The following TMEM33 variants were observed in gnomAD, a reference collection of about 807,000 sequenced individuals.
TMEM33 encodes transmembrane protein 33.
TMEM33 carries 16 observed loss-of-function variants against 29.7 expected under a neutral mutation model. That is an observed-to-expected ratio of 0.54 (90% CI 0.36 to 0.82). The LOEUF is 0.82. TMEM33 is among the 40% of genes least tolerant of loss of function. TMEM33 has a pLI of 0.00. For missense variants in TMEM33, 252 were observed against 295.3 expected (o/e 0.85, Z 1.08); for synonymous variants, 112 against 109.4 (o/e 1.02, Z -0.15).
chr4:41,944,471 C>T (rs2153127063), intron 4 of TMEM33, among the ~76,000 whole-genome samples: 1 of 152,202 alleles, frequency 6.6e-6, no homozygotes, highest in African/African-American at 2.4e-5. Context: ...GATATTTTAA[C>T]TGTATTACTG....
Position 41,943,833 on chromosome 4 carries a change from T to C in TMEM33, c.396+19T>C. 6.2e-7 allele frequency: 1 copy of C among 1,609,040 alleles called. No homozygotes were observed. Among genetic ancestry groups the C allele is most frequent in the Non-Finnish European group, 8.5e-7 (1 of 1,176,014 alleles). ...CCTTGACGTAAGTAAAACTGCTCTTTGTCTGACTTCTGAATTACAGATCAT... is the reference window on the plus strand; with the variant it reads ...CCTTGACGTAAGTAAAACTGCTCTTCGTCTGACTTCTGAATTACAGATCAT... On this transcript the variant is annotated intron_variant, in intron 4 of 6. Coordinates refer to ENST00000504986, the MANE Select transcript of TMEM33 (RefSeq NM_018126.3).
chr4:41,943,571 T>G (rs1293639826), intron 3 of TMEM33, among the ~76,000 whole-genome samples, 176 bp from the exon 4 acceptor site: 1 of 152,164 alleles, frequency 6.6e-6, no homozygotes, highest in Admixed American at 6.5e-5. Flanking sequence ...AATAGTTTAC[T>G]TTCTTCTTTA....
At position 41,944,849 on chromosome 4, in the gene TMEM33, T is replaced by C. The variant is rs1446856754; in HGVS notation, c.453T>C (p.Ala151=). 2 of 1,613,600 alleles carry C rather than the reference T, an allele frequency of 1.2e-6. No individual in the cohort carries two copies. Among genetic ancestry groups the C allele is most frequent in the Non-Finnish European group, 1.7e-6 (2 of 1,179,812 alleles). ...LLRSVLDKLS[A]NQQNILKFIA... ...GATCTGTCTTGGACAAATTAAGTGC[T>C]AATCAACAAAATATTCTGAAATTCA... is the stretch of plus-strand genomic sequence containing the variant. Residue 151 remains alanine (A), a synonymous_variant, in exon 5 of 7, where the codon GCT becomes GCC. Coordinates refer to ENST00000504986, the MANE Select transcript of TMEM33 (RefSeq NM_018126.3).
rs1178694533 is a variant in TMEM33 at position 41,955,465 on chromosome 4, G to C, written c.*1266G>C. The C allele has an allele frequency of 6.6e-6, 1 of 152,590 alleles. No individual in the cohort carries two copies. The highest frequency in any genetic ancestry group is 2.1e-4 in the South Asian group (1 of 4,836). The allele number at this position is 152,590 out of a possible 1,614,324, so 9.5% of individuals were successfully genotyped here. On this transcript the variant is annotated 3_prime_UTR_variant, in exon 7 of 7. Transcript: ENST00000504986. ...TAAAACATTGTACAGTTTTAGTATA[G>C]AGAAATGTAATGGTTTTTGTGACCA... is the stretch of plus-strand genomic sequence containing the variant.
chr4:41,939,230 T>C lies in TMEM33; in HGVS notation c.175T>C (p.Leu59=). ...HEAASFYQRA[L]LANALTSALR... ...AGCAGCAAGCTTTTACCAACGTGCT[T>C]TGCTGGCAAATGCTCTTACCAGTGC... Residue 59 remains leucine, a synonymous_variant, in exon 3 of 7, where the codon TTG becomes CTG. Coordinates refer to ENST00000504986, the MANE Select transcript of TMEM33 (RefSeq NM_018126.3). The C allele has an allele frequency of 6.2e-7, 1 of 1,604,728 alleles. No homozygotes were observed. The highest frequency in any genetic ancestry group is 8.5e-7 in the Non-Finnish European group (1 of 1,177,482).
At chr4:41,946,745 T>C (rs1284541652) in intron 5 of TMEM33, among the ~76,000 whole-genome samples, 1 of 152,136 alleles carries the variant, frequency 6.6e-6, no homozygotes, top group African/African-American at 2.4e-5. Context: ...TTTTCCATCA[T>C]TTATAGGTTT....
intron 5 of TMEM33, among the ~76,000 whole-genome samples, chr4:41,947,746 T>C (rs911660695): frequency 3.3e-5 from 5 of 152,234 alleles, no homozygotes; most frequent in African/African-American, 1.2e-4. Context: ...CTTAATATGC[T>C]ACCCTTTCTG....
chr4:41,935,519 C>A lies in TMEM33; in HGVS notation c.35C>A (p.Ala12Glu). The change falls in exon 1 of 7, where the codon GCG becomes GAG. Residue 12 changes from alanine to glutamate, a missense_variant. Ala to Glu is a moderately radical substitution (Grantham distance 107). Coordinates refer to ENST00000504986, the MANE Select transcript of TMEM33 (RefSeq NM_018126.3). The part of the protein sequence containing the change: ...ADTTPNGPQG[A>E]GAVQFMMTNK... Reference sequence around the variant, plus strand: ...ACGACCCCGAACGGCCCCCAAGGGGCGGGCGCTGTGGTAAGTGCGAGGGCA... The same window carrying A: ...ACGACCCCGAACGGCCCCCAAGGGGAGGGCGCTGTGGTAAGTGCGAGGGCA... The A allele has an allele frequency of 6.2e-7, 1 of 1,608,508 alleles. No homozygotes were observed. The highest frequency in any genetic ancestry group is 1.1e-5 in the South Asian group (1 of 89,904).
Position 41,957,005 on chromosome 4 carries a change from C to T in TMEM33, c.*2806C>T, listed in dbSNP as rs991205051. Reference sequence around the variant, plus strand: ...TGTAGTAACAGAAATTAACTCTTTACTGCATCATTGAACTTATTGTTAGTT... The same window carrying T: ...TGTAGTAACAGAAATTAACTCTTTATTGCATCATTGAACTTATTGTTAGTT... On this transcript the variant is annotated 3_prime_UTR_variant, in exon 7 of 7. Coordinates refer to ENST00000504986, the MANE Select transcript of TMEM33 (RefSeq NM_018126.3). 6.6e-6 allele frequency: 1 copy of T among 152,146 alleles called. No homozygotes were observed. The highest frequency in any genetic ancestry group is 2.4e-5 in the African/African-American group (1 of 41,442). The allele number at this position is 152,146 out of a possible 1,614,324, so 9.4% of individuals were successfully genotyped here.
chr4:41,945,512 A>AT (rs1712744591), intron 5 of TMEM33, among the ~76,000 whole-genome samples: 1 of 152,218 alleles, frequency 6.6e-6, no homozygotes, highest in African/African-American at 2.4e-5. Context: ...GCATTTGACT[A>AT]TATGAATTCT....
chr4:41,942,624 T>C (rs575235584), intron 3 of TMEM33, among the ~76,000 whole-genome samples: 1 of 152,268 alleles, frequency 6.6e-6, no homozygotes, highest in African/African-American at 2.4e-5. Flanking sequence ...ACTAACAGTC[T>C]ATATCATTTT....
chr4:41,943,651 C>T (rs1712649042), intron 3 of TMEM33, 96 bp from the exon 4 acceptor site: 3 of 1,085,082 alleles, frequency 2.8e-6, no homozygotes, highest in African/African-American at 3.2e-5. Context: ...CTCATTTTAG[C>T]AGATGTTTCA....
chr4:41,944,965 T>C, intron 5 of TMEM33, 39 bp downstream of exon 5: 10 of 1,602,048 alleles, frequency 6.2e-6, no homozygotes, highest in South Asian at 2.2e-5. Flanking sequence ...GGCTGATGAC[T>C]GAACGTAATA....
chr4:41,941,293 C>T (rs1712529351), intron 3 of TMEM33, among the ~76,000 whole-genome samples: 1 of 152,158 alleles, frequency 6.6e-6, no homozygotes, highest in Non-Finnish European at 1.5e-5. Context: ...TTGGCTTGAC[C>T]AGCCTCTGTT....
chr4:41,946,945 G>A (rs1712821973), intron 5 of TMEM33, among the ~76,000 whole-genome samples: 1 of 152,004 alleles, frequency 6.6e-6, no homozygotes, highest in South Asian at 2.1e-4. Context: ...AGTTAAAATG[G>A]TAGATACCAG....
intron 5 of TMEM33, among the ~76,000 whole-genome samples, chr4:41,947,058 A>G (rs1712827606): frequency 6.6e-6 from 1 of 152,118 alleles, no homozygotes; most frequent in African/African-American, 2.4e-5. Flanking sequence ...CAATGTGGTG[A>G]AACCCCGTCT....
Position 41,957,571 on chromosome 4 carries a change from TAAGAC to T in TMEM33, c.*3376_*3380del, listed in dbSNP as rs1037635011. 4 of 151,872 alleles carry T rather than the reference TAAGAC, an allele frequency of 2.6e-5. No individual in the cohort carries two copies. The highest frequency in any genetic ancestry group is 4.8e-5 in the African/African-American group (2 of 41,364). 9.4% of individuals were successfully genotyped at this position (151,872 alleles called of 1,614,324 possible). A position where few individuals can be genotyped will look rare whatever the true frequency, so the allele number is the denominator to read the frequency against. On this transcript the variant is annotated 3_prime_UTR_variant, in exon 7 of 7. Transcript: ENST00000504986. ...GAAAAGAAGATGAGTATATGTGTAA[TAAGAC>T]AAGTAGAACTGAGAGATTTAGTTTT...
At chr4:41,935,186 T>C (rs1259312937), upstream of TMEM33, 2 of 532,712 alleles carry the variant, frequency 3.8e-6, no homozygotes, top group South Asian at 2.1e-5. Context: ...GTTGGCTCTT[T>C]AGGGCTTCAC....
At chr4:41,947,447 G>C (rs1237825959) in intron 5 of TMEM33, among the ~76,000 whole-genome samples, 1 of 152,014 alleles carries the variant, frequency 6.6e-6, no homozygotes, top group East Asian at 1.9e-4. Flanking sequence ...TTTTTGTTAG[G>C]AGCACCAGGT....
Sources: allele counts gnomAD v4.1 joint callset (sites outside exome capture counted in the v4.1 genomes callset), GRCh38; gene constraint gnomAD v4.1.1; transcripts MANE v1.5; gene names NCBI Gene and HGNC (gene_info 2026-07-23, HGNC 2026-07-21).